The following PSEN1 variants were observed in gnomAD, a reference collection of about 807,000 sequenced individuals.
The protein encoded by PSEN1 is presenilin 1, also known as presenilin-1.
Under a neutral mutation model 53.5 loss-of-function variants are expected in PSEN1, and 15 were observed. That is an observed-to-expected ratio of 0.28 (90% CI 0.19 to 0.43). The LOEUF (loss-of-function observed/expected upper bound fraction) is 0.43. PSEN1 is among the 20% of genes least tolerant of loss of function. PSEN1 has a pLI of 1.00. For synonymous variants in PSEN1, 208 were observed against 209.8 expected, an observed-to-expected ratio of 0.99 and a Z score of 0.08; for missense variants, 387 against 571.2, an observed-to-expected ratio of 0.68 and a Z score of 3.29.
intron 6 of PSEN1, among the ~76,000 whole-genome samples, chr14:73,187,948 T>A (rs1373368702): frequency 6.6e-6 from 1 of 152,130 alleles, no homozygotes; most frequent in African/African-American, 2.4e-5. Flanking sequence ...ATACTTTTTT[T>A]TTTTGAGTCT....
At chr14:73,140,684 C>A (rs180833819) in intron 1 of PSEN1, among the ~76,000 whole-genome samples, 1 of 151,964 alleles carries the variant, frequency 6.6e-6, no homozygotes, top group Non-Finnish European at 1.5e-5. Context: ...TTGCATAGTA[C>A]CTTTACAAAA....
At chr14:73,190,648 G>C (rs973804085) in intron 6 of PSEN1, among the ~76,000 whole-genome samples, 1 of 152,072 alleles carries the variant, frequency 6.6e-6, no homozygotes, top group Non-Finnish European at 1.5e-5. Flanking sequence ...CATTTTTGGA[G>C]GTGGAGACAG....
intron 11 of PSEN1, among the ~76,000 whole-genome samples, chr14:73,218,085 G>GC (rs1899992913): frequency 7.6e-6 from 1 of 131,822 alleles, no homozygotes; most frequent in African/African-American, 3.1e-5. Context: ...ACCGCACCTG[G>GC]CTTTTTTTTT....
intron 10 of PSEN1, among the ~76,000 whole-genome samples, chr14:73,215,541 T>TAAA (rs202175306): frequency 7.6e-5 from 11 of 144,584 alleles, no homozygotes; most frequent in Admixed American, 1.4e-4. Flanking sequence ...CGAGATCACT[T>TAAA]AAAAAAAAAA....
At chr14:73,143,009 G>A (rs976605164) in intron 1 of PSEN1, among the ~76,000 whole-genome samples, 4 of 152,124 alleles carry the variant, frequency 2.6e-5, no homozygotes, top group Non-Finnish European at 5.9e-5. Flanking sequence ...CTCAGATCTG[G>A]GTAACTGTTG....
Position 73,170,828 on chromosome 14 carries a change from A to G in PSEN1, c.119A>G (p.Asp40Gly). ...NDNRERQEHNDRRSLGHPEPL... is the reference protein window; with the variant it reads ...NDNRERQEHNGRRSLGHPEPL... The stretch of plus-strand genomic sequence containing the variant: ...AATAGAGAACGGCAGGAGCACAACG[A>G]CAGACGGAGCCTTGGCCACCCTGAG... The change falls in exon 4 of 12, where the codon GAC becomes GGC. Residue 40 changes from aspartate to glycine, a missense_variant. Around this residue, in one of 4 missense-constraint regions of PSEN1, gnomAD observed 99 missense variants for 101.5 expected, o/e 0.98. Coordinates refer to ENST00000324501, the MANE Select transcript of PSEN1 (RefSeq NM_000021.4). 6.2e-7 allele frequency: 1 copy of G among 1,614,046 alleles called. No homozygotes were observed. The highest frequency in any genetic ancestry group is 8.5e-7 in the Non-Finnish European group (1 of 1,179,872).
intron 5 of PSEN1, among the ~76,000 whole-genome samples, chr14:73,179,149 CAA>C (rs2140056216): frequency 1.3e-5 from 2 of 152,212 alleles, no homozygotes; most frequent in Non-Finnish European, 2.9e-5. Context: ...AAGTCAGGGC[CAA>C]AATGTGGGAG....
intron 10 of PSEN1, 53 bp from the exon 11 acceptor site, chr14:73,217,073 A>G (rs1335166669): frequency 6.3e-7 from 1 of 1,594,340 alleles, no homozygotes; most frequent in Middle Eastern, 1.7e-4. Context: ...TGAATTGTGA[A>G]ATCATAGCAA....
At chr14:73,188,259 T>C (rs1015157319) in intron 6 of PSEN1, among the ~76,000 whole-genome samples, 4 of 152,162 alleles carry the variant, frequency 2.6e-5, no homozygotes, top group African/African-American at 9.7e-5. Flanking sequence ...TGGAGTTTGT[T>C]TGCAGAATCG....
intron 10 of PSEN1, among the ~76,000 whole-genome samples, chr14:73,215,299 T>C (rs61986904): frequency 0.075 from 11,109 of 148,944 alleles, 422 homozygotes; most frequent in Non-Finnish European, 0.091. Flanking sequence ...AAGTGGAAAA[T>C]AAGGCCAGGT....
chr14:73,177,420 T>C (rs1898078054), intron 5 of PSEN1, among the ~76,000 whole-genome samples: 1 of 152,158 alleles, frequency 6.6e-6, no homozygotes, highest in Non-Finnish European at 1.5e-5. Flanking sequence ...TGTTTTTGTT[T>C]TGAGATAAAG....
chr14:73,197,089 C>A (rs1209901275), intron 7 of PSEN1, among the ~76,000 whole-genome samples: 1 of 152,072 alleles, frequency 6.6e-6, no homozygotes, highest in Non-Finnish European at 1.5e-5. Flanking sequence ...CGCGCCACCA[C>A]ACCCAGCTAA....
chr14:73,160,195 A>G lies in PSEN1; in HGVS notation c.88-10602A>G, dbSNP rs77029422. On this transcript the variant is annotated intron_variant, in intron 3 of 11. Coordinates refer to ENST00000324501, the MANE Select transcript of PSEN1 (RefSeq NM_000021.4). ...GTGACTTGCTTATTTTGCTTAGCAT[A>G]ATGTCCTCAAGGTTCATCTATATTG... The G allele has an allele frequency of 1.7e-4, 28 of 163,218 alleles. No individual in the cohort carries two copies. In the East Asian group the frequency reaches 4.8e-3, roughly 28 times the overall value. The allele number at this position is 163,218 out of a possible 1,614,324, so 10.1% of individuals were successfully genotyped here. A position where few individuals can be genotyped will look rare whatever the true frequency, so the allele number is the denominator to read the frequency against.
intron 10 of PSEN1, 93 bp downstream of exon 10, chr14:73,212,035 C>G (rs1403425284): frequency 4.6e-6 from 4 of 878,680 alleles, no homozygotes; most frequent in Admixed American, 2.4e-5. Flanking sequence ...GAGAGTGTTA[C>G]AGTCTAATTC....
rs1258658356 is a variant in PSEN1, at chr14:73,221,513, A to G, written c.*2224A>G. On this transcript the variant is annotated 3_prime_UTR_variant, in exon 12 of 12. Transcript: ENST00000324501. ...GATTGTCCTGTGTAGAAAGATGGCA[A>G]TTATTCTGTCTCTTTCTCCAAGTTT... 1 of 151,936 alleles carries G rather than the reference A, an allele frequency of 6.6e-6. No individual in the cohort carries two copies. Among genetic ancestry groups the G allele is most frequent in the Non-Finnish European group, 1.5e-5 (1 of 68,026 alleles). The allele number at this position is 151,936 out of a possible 1,614,324, so 9.4% of individuals were successfully genotyped here.
intron 1 of PSEN1, among the ~76,000 whole-genome samples, chr14:73,144,515 A>G (rs1897015714): frequency 6.6e-6 from 1 of 152,194 alleles, no homozygotes; most frequent in African/African-American, 2.4e-5. Context: ...CGTAATCCTC[A>G]TTGCTGTAAA....
At chr14:73,156,547 G>A (rs1897360338) in intron 3 of PSEN1, among the ~76,000 whole-genome samples, 1 of 152,084 alleles carries the variant, frequency 6.6e-6, no homozygotes, top group Non-Finnish European at 1.5e-5. Context: ...GAGCGGGGGA[G>A]TAGATGAAAC....
At chr14:73,189,746 A>G in intron 6 of PSEN1, 1 of 169,604 alleles carries the variant, frequency 5.9e-6, no homozygotes, top group Non-Finnish European at 1.3e-5. Context: ...AGAATTGTGC[A>G]AGCCCTGGAC....
intron 3 of PSEN1, among the ~76,000 whole-genome samples, chr14:73,156,648 C>T (rs1275260139): frequency 2.6e-5 from 4 of 151,432 alleles, no homozygotes; most frequent in Non-Finnish European, 5.9e-5. Context: ...TGAACTTTTT[C>T]CATAATAAAA....
Sources: allele counts gnomAD v4.1 joint callset (sites outside exome capture counted in the v4.1 genomes callset), GRCh38; gene constraint gnomAD v4.1.1; regional missense constraint gnomAD v4.1.1; transcripts MANE v1.5; gene names NCBI Gene and HGNC (gene_info 2026-07-23, HGNC 2026-07-21).